ARIH2: variants seen among roughly 807,000 people sequenced by gnomAD.
ARIH2 encodes the protein E3 ubiquitin-protein ligase ARIH2.
A neutral mutation model predicts 79.8 loss-of-function variants in ARIH2; 12 were observed. That is an observed-to-expected ratio of 0.15 (90% CI 0.10 to 0.24). The LOEUF is 0.24. Ranked by LOEUF, ARIH2 falls within the 10% of genes least tolerant of loss-of-function variation. The pLI is 1.00. For missense variants in ARIH2, 301 were observed against 618.3 expected, an observed-to-expected ratio of 0.49 and a Z score of 5.44; for synonymous variants, 224 against 213.9, an observed-to-expected ratio of 1.05 and a Z score of -0.41.
chr3:48,962,463 C>T (rs1293208285), intron 4 of ARIH2, among the ~76,000 whole-genome samples: 4 of 152,134 alleles, frequency 2.6e-5, no homozygotes, highest in Non-Finnish European at 4.4e-5. Context: ...TCCACCTCCT[C>T]CAGAACTAGA....
intron 3 of ARIH2, among the ~76,000 whole-genome samples, chr3:48,948,861 T>C (rs939882574): frequency 5.3e-5 from 8 of 152,260 alleles, no homozygotes; most frequent in Non-Finnish European, 1.0e-4. Flanking sequence ...TCATCCATAT[T>C]GTATCATGCA....
chr3:48,940,160 C>T (rs1191701392), intron 3 of ARIH2, among the ~76,000 whole-genome samples: 4 of 150,642 alleles, frequency 2.7e-5, no homozygotes, highest in East Asian at 2.0e-4. Flanking sequence ...GAGCCAAGAT[C>T]GCGCCACTGC....
intron 3 of ARIH2, among the ~76,000 whole-genome samples, chr3:48,952,820 A>G (rs1399748713): frequency 6.6e-6 from 1 of 152,168 alleles, no homozygotes; most frequent in African/African-American, 2.4e-5. Context: ...TAAGTGTCTG[A>G]TTTCTGTCAG....
intron 11 of ARIH2, among the ~76,000 whole-genome samples, chr3:48,976,472 A>T (rs1177014626): frequency 6.6e-6 from 1 of 151,876 alleles, no homozygotes; most frequent in Non-Finnish European, 1.5e-5. Flanking sequence ...CGACCTCCCA[A>T]AGTGCTGGGA....
intron 2 of ARIH2, 81 bp from the exon 3 acceptor site, chr3:48,927,381 T>A (rs541541642): frequency 2.6e-5 from 18 of 704,168 alleles, no homozygotes; most frequent in Non-Finnish European, 4.1e-5. Context: ...GCCAGGACTG[T>A]CCCATTTTGA....
At chr3:48,946,711 C>G (rs891175598) in intron 3 of ARIH2, among the ~76,000 whole-genome samples, 1 of 151,922 alleles carries the variant, frequency 6.6e-6, no homozygotes, top group Admixed American at 6.6e-5. Flanking sequence ...TCATTTCAAG[C>G]TGGAAAGAAA....
chr3:48,980,952 C>T (rs562238385), intron 13 of ARIH2, among the ~76,000 whole-genome samples: 17 of 123,714 alleles, frequency 1.4e-4, no homozygotes, highest in African/African-American at 5.1e-4. Context: ...ACCTGGGAGT[C>T]AGAGGCTGCA....
intron 3 of ARIH2, among the ~76,000 whole-genome samples, chr3:48,936,377 C>CA (rs971119978): frequency 3.3e-5 from 5 of 152,168 alleles, no homozygotes; most frequent in African/African-American, 9.7e-5. Flanking sequence ...CATGAACTGT[C>CA]AAACATGAAG....
chr3:48,930,998 C>T (rs1576158668), intron 3 of ARIH2, among the ~76,000 whole-genome samples: 3 of 152,220 alleles, frequency 2.0e-5, no homozygotes, highest in Admixed American at 2.0e-4. Context: ...TGTGTCCAGG[C>T]AGTTGCATGT....
rs2092712232 is a variant in ARIH2, at chr3:48,980,617, G to A, written c.1257+121G>A. ...TTTAGCACCCTGTGCAGCCTTTCAT[G>A]CTTCTGCTTGTGGATCCACATTTTC... On this transcript the variant is annotated intron_variant, in intron 13 of 15. Transcript: ENST00000356401. The A allele has an allele frequency of 2.3e-5, 27 of 1,157,164 alleles. No homozygotes were observed. In the South Asian group the frequency reaches 4.2e-4, roughly 18 times the overall value. 71.7% of individuals were successfully genotyped at this position (1,157,164 alleles called of 1,614,324 possible).
chr3:48,978,580 G>A (rs138328584), intron 11 of ARIH2, among the ~76,000 whole-genome samples: 1,790 of 149,606 alleles, frequency 0.012, 25 homozygotes, highest in Middle Eastern at 0.031. Context: ...TGGCCTCCCA[G>A]AGTGCTGGTA....
intron 3 of ARIH2, among the ~76,000 whole-genome samples, chr3:48,950,302 T>C (rs1292854941): frequency 1.3e-5 from 2 of 152,142 alleles, no homozygotes; most frequent in Non-Finnish European, 2.9e-5. Flanking sequence ...GTCTATTCCA[T>C]TTTCTTTTTT....
intron 3 of ARIH2, among the ~76,000 whole-genome samples, chr3:48,935,995 A>T (rs1440801876): frequency 3.3e-5 from 5 of 152,234 alleles, no homozygotes; most frequent in Non-Finnish European, 7.3e-5. Context: ...AAAGAAAAGT[A>T]AAAACAACAC....
chr3:48,938,414 G>A (rs909388062), intron 3 of ARIH2, among the ~76,000 whole-genome samples: 2 of 151,896 alleles, frequency 1.3e-5, no homozygotes, highest in African/African-American at 4.8e-5. Flanking sequence ...ATACTTCTCA[G>A]CAGTATGAAA....
chr3:48,931,603 T>A (rs11717978), intron 3 of ARIH2, among the ~76,000 whole-genome samples: 11,562 of 150,712 alleles, frequency 0.077, 577 homozygotes, highest in Non-Finnish European at 0.11. Context: ...GCAAAAAAAA[T>A]TTTTTTTTAA....
intron 11 of ARIH2, among the ~76,000 whole-genome samples, chr3:48,977,156 C>T (rs1166238873): frequency 6.7e-6 from 1 of 149,490 alleles, no homozygotes; most frequent in Non-Finnish European, 1.5e-5. Flanking sequence ...GAGCCAGGAT[C>T]GCACCACTGC....
chr3:48,978,415 T>TTGTGTGTGTG (rs34142276), intron 11 of ARIH2, among the ~76,000 whole-genome samples: 2 of 90,622 alleles, frequency 2.2e-5, no homozygotes, highest in African/African-American at 3.7e-5. Flanking sequence ...CCTGGCTAAT[T>TTGTGTGTGTG]TGTGTATGTG....
intron 2 of ARIH2, chr3:48,927,239 G>T: frequency 3.3e-6 from 1 of 306,790 alleles, no homozygotes; most frequent in Non-Finnish European, 6.2e-6. Flanking sequence ...GGCCTTTCAT[G>T]TGAAGTTACC....
intron 13 of ARIH2, among the ~76,000 whole-genome samples, chr3:48,980,802 C>G (rs1488441428): frequency 6.6e-6 from 1 of 151,952 alleles, no homozygotes; most frequent in Non-Finnish European, 1.5e-5. Context: ...TGTCTGATCA[C>G]TTGAGGTCAG....
Sources: allele counts gnomAD v4.1 joint callset (sites outside exome capture counted in the v4.1 genomes callset), GRCh38; gene constraint gnomAD v4.1.1; transcripts MANE v1.5; gene names NCBI Gene and HGNC (gene_info 2026-07-23, HGNC 2026-07-21).